CSMD2: variants seen among roughly 807,000 people sequenced by gnomAD.
CSMD2 encodes CUB and Sushi multiple domains 2, also known as CUB and sushi domain-containing protein 2.
A neutral mutation model predicts 398.5 loss-of-function variants in CSMD2; 130 were observed. The ratio of observed to expected loss-of-function variants is 0.33; its 90% CI spans 0.28 to 0.38. The LOEUF is 0.38. CSMD2 is among the 10% of genes least tolerant of loss of function. CSMD2 has a pLI of 1.00. For synonymous variants in CSMD2, 1,828 were observed against 1,908.5 expected (o/e 0.96, Z 1.10); for missense variants, 3,829 against 4,764.9 (o/e 0.80, Z 5.78).
intron 42 of CSMD2, among the ~76,000 whole-genome samples, chr1:33,603,953 G>A (rs1640406107): frequency 1.3e-5 from 2 of 152,316 alleles, no homozygotes; most frequent in South Asian, 2.1e-4. Flanking sequence ...CATAAAATCT[G>A]CAAGACTGGA....
intron 22 of CSMD2, among the ~76,000 whole-genome samples, chr1:33,707,611 G>A (rs1645830323): frequency 6.6e-6 from 1 of 152,096 alleles, no homozygotes; most frequent in African/African-American, 2.4e-5. Context: ...GTGATCTCAT[G>A]AGTGAATCTT....
At chr1:34,107,774 C>A (rs1172331380) in intron 1 of CSMD2, among the ~76,000 whole-genome samples, 1 of 152,210 alleles carries the variant, frequency 6.6e-6, no homozygotes, top group African/African-American at 2.4e-5. Flanking sequence ...AGGCTTCTGT[C>A]CCATTGCCTG....
At chr1:33,532,284 G>A (rs978080110) in intron 64 of CSMD2, among the ~76,000 whole-genome samples, 8 of 152,224 alleles carry the variant, frequency 5.3e-5, no homozygotes, top group African/African-American at 1.9e-4. Flanking sequence ...ATAGGATCTT[G>A]TGAAGATTAA....
At chr1:33,726,518 C>T (rs1268120187) in intron 16 of CSMD2, 29 bp downstream of exon 16, 3 of 1,588,120 alleles carry the variant, frequency 1.9e-6, no homozygotes, top group Admixed American at 3.4e-5. Context: ...CCCCCTTGCC[C>T]TCTCCCCCAA....
intron 3 of CSMD2, among the ~76,000 whole-genome samples, chr1:33,984,603 C>T (rs751104006): frequency 2.6e-5 from 4 of 152,106 alleles, no homozygotes; most frequent in African/African-American, 4.8e-5. Context: ...GGCAACATAG[C>T]GAGACTCTGT....
intron 5 of CSMD2, chr1:33,885,184 A>G (rs1276685666): frequency 6.6e-6 from 1 of 152,222 alleles, no homozygotes; most frequent in East Asian, 1.9e-4. Context: ...GTGATTCTTA[A>G]GCCCACATTG....
At chr1:33,646,974 G>T in intron 28 of CSMD2, 139 bp from the exon 29 acceptor site, 1 of 788,996 alleles carries the variant, frequency 1.3e-6, no homozygotes. Flanking sequence ...CTGAAGACTG[G>T]CTGGTGGGAA....
At chr1:34,048,592 T>G (rs973464838) in intron 2 of CSMD2, among the ~76,000 whole-genome samples, 4 of 152,176 alleles carry the variant, frequency 2.6e-5, no homozygotes, top group Admixed American at 1.3e-4. Context: ...TGAACATGCC[T>G]GCAAGAGGAT....
At chr1:34,017,650 G>A (rs1171021168) in intron 3 of CSMD2, among the ~76,000 whole-genome samples, 1 of 152,204 alleles carries the variant, frequency 6.6e-6, no homozygotes, top group African/African-American at 2.4e-5. Context: ...TCAGTAGTCT[G>A]AGGCAGGAGG....
chr1:34,135,956 C>T (rs888650917), intron 1 of CSMD2, among the ~76,000 whole-genome samples: 8 of 151,920 alleles, frequency 5.3e-5, no homozygotes, highest in African/African-American at 1.2e-4. Context: ...CTATGCCATT[C>T]GAATTTTTGC....
intron 3 of CSMD2, among the ~76,000 whole-genome samples, chr1:34,024,547 T>C (rs1333026950): frequency 6.6e-6 from 1 of 152,218 alleles, no homozygotes; most frequent in Non-Finnish European, 1.5e-5. Context: ...GCTGCCCAAT[T>C]TGTCTCAAAT....
In CSMD2 at chr1:33,844,002, C is replaced by T. The variant is rs189957545; in HGVS notation, c.1033+2882G>A. Reference sequence around the variant, plus strand: ...TCCTCAGGGGCCTCACCATCTCTTGCGGGCTCCTTTGACTCCACCCTCACC... The same window carrying T: ...TCCTCAGGGGCCTCACCATCTCTTGTGGGCTCCTTTGACTCCACCCTCACC... On this transcript the variant is annotated intron_variant, in intron 6 of 70. Transcript: ENST00000373381. 1.5e-3 allele frequency among the ~76,000 whole-genome samples: 221 copies of T among 152,290 alleles called. 4 individuals are homozygous for T. Among genetic ancestry groups the T allele is most frequent in the Admixed American group, 0.014 (212 of 15,286 alleles).
At chr1:33,572,788 G>C in intron 49 of CSMD2, 97 bp from the exon 50 acceptor site, 1 of 920,694 alleles carries the variant, frequency 1.1e-6, no homozygotes. Context: ...CCTTTTATTA[G>C]TAAAAACTAA....
intron 13 of CSMD2, among the ~76,000 whole-genome samples, chr1:33,771,296 G>C (rs1179348334): frequency 2.0e-5 from 3 of 152,146 alleles, no homozygotes; most frequent in African/African-American, 7.2e-5. Context: ...CTTTGTGTTT[G>C]CCTGCCCCGA....
chr1:33,562,581 C>T (rs981542536), intron 53 of CSMD2, among the ~76,000 whole-genome samples: 3 of 152,126 alleles, frequency 2.0e-5, no homozygotes, highest in African/African-American at 4.8e-5. Flanking sequence ...AGCAGCATGG[C>T]CATGTGATGG....
At position 33,782,202 on chromosome 1, in the gene CSMD2, C is replaced by T. The variant is rs201901195; in HGVS notation, c.1663+6398G>A. On this transcript the variant is annotated intron_variant, in intron 12 of 70. Transcript: ENST00000373381. ...AGCTACCCGCCCCCCAACCCCTGCT[C>T]GTTCCTGAGTCGAGATGTCTATCCT... Among the ~76,000 whole-genome samples, 26 of 152,040 alleles carry T rather than the reference C, an allele frequency of 1.7e-4. 1 individual carries two copies. The highest frequency in any genetic ancestry group is 3.4e-3 in the Middle Eastern group (1 of 294).
chr1:33,651,987 G>A (rs548693174), intron 28 of CSMD2, among the ~76,000 whole-genome samples: 3 of 152,200 alleles, frequency 2.0e-5, no homozygotes, highest in East Asian at 1.9e-4. Context: ...GGAAGGGGCC[G>A]GGGAAGCAGA....
intron 4 of CSMD2, among the ~76,000 whole-genome samples, chr1:33,921,588 C>T (rs545697614): frequency 1.2e-4 from 18 of 152,234 alleles, no homozygotes; most frequent in African/African-American, 4.1e-4. Flanking sequence ...GACATTTAGC[C>T]CGAACCTTCA....
intron 47 of CSMD2, among the ~76,000 whole-genome samples, chr1:33,581,708 CTCT>C (rs1326908757): frequency 6.6e-6 from 1 of 152,048 alleles, no homozygotes; most frequent in Non-Finnish European, 1.5e-5. Flanking sequence ...AAAGACCTCC[CTCT>C]TCTTTTGTCC....
Sources: allele counts gnomAD v4.1 joint callset (sites outside exome capture counted in the v4.1 genomes callset), GRCh38; gene constraint gnomAD v4.1.1; transcripts MANE v1.5; gene names NCBI Gene and HGNC (gene_info 2026-07-23, HGNC 2026-07-21).